TLE2: variants seen among roughly 807,000 people sequenced by gnomAD.
The protein encoded by TLE2 is TLE family member 2, transcriptional corepressor.
TLE2 carries 74 observed loss-of-function variants against 97.2 expected under a neutral mutation model. The observed-to-expected ratio is 0.76, with a 90% CI of 0.63 to 0.92. The LOEUF is 0.92. Ranked by LOEUF, TLE2 falls within the 40% of genes least tolerant of loss-of-function variation. The pLI is 0.00. For synonymous variants in TLE2, 499 were observed against 432.1 expected, an observed-to-expected ratio of 1.15 and a Z score of -1.92; for missense variants, 1,038 against 1,008.7, an observed-to-expected ratio of 1.03 and a Z score of -0.39.
Position 3,029,160 on chromosome 19 carries a change from C to T in TLE2, c.-256G>A. 3 of 887,126 alleles carry T rather than the reference C, an allele frequency of 3.4e-6. No individual in the cohort carries two copies. Among genetic ancestry groups the T allele is most frequent in the Admixed American group, 6.3e-5 (1 of 15,820 alleles). The allele number at this position is 887,126 out of a possible 1,614,324, so 55.0% of individuals were successfully genotyped here. A position where few individuals can be genotyped will look rare whatever the true frequency, so the allele number is the denominator to read the frequency against. ...GCAGGGGCAGCGGCCGGGGCGGGAG[C>T]GCGGCGAGGGCGGCCGCGGCAGCCG... On this transcript the variant is annotated 5_prime_UTR_variant, in exon 1 of 20. Coordinates refer to ENST00000262953, the MANE Select transcript of TLE2 (RefSeq NM_003260.5).
Position 3,019,342 on chromosome 19 carries a change from G to A in TLE2, c.491C>T (p.Ala164Val), listed in dbSNP as rs1193317739. 2 of 1,568,466 alleles carry A rather than the reference G, an allele frequency of 1.3e-6. No individual in the cohort carries two copies. Among genetic ancestry groups the A allele is most frequent in the Non-Finnish European group, 1.7e-6 (2 of 1,165,242 alleles). Residue 164 changes from alanine to valine, a missense_variant, in exon 7 of 20, where the codon GCT becomes GTT. By Grantham distance (64) the Ala-to-Val change is moderately conservative. Transcript: ENST00000262953. The surrounding 1 kb of genome is among the most constrained non-coding windows in gnomAD (Gnocchi z 5.1). ...LALSGALAAQ[A>V]QLAAAVKEDR... Reference sequence around the variant, plus strand: ...CTCCTTGACAGCCGCCGCCAGCTGAGCCTGGGCAGCCAGGGCTCCAGACAG... The same window carrying A: ...CTCCTTGACAGCCGCCGCCAGCTGAACCTGGGCAGCCAGGGCTCCAGACAG...
At chr19:3,002,202 G>C (rs534858292) in intron 18 of TLE2, 151 bp downstream of exon 18, 2 of 946,364 alleles carry the variant, frequency 2.1e-6, no homozygotes, top group Non-Finnish European at 3.0e-6. Context: ...ACACCATTTG[G>C]GATATACTTG....
At chr19:3,000,172 T>C (rs1008702673) in intron 19 of TLE2, among the ~76,000 whole-genome samples, 7 of 151,198 alleles carry the variant, frequency 4.6e-5, no homozygotes, top group South Asian at 2.1e-4. Context: ...CCTGGGTTCA[T>C]GCCATTCTCC....
At chr19:3,000,517 C>G in intron 19 of TLE2, 130 bp downstream of exon 19, 1 of 768,314 alleles carries the variant, frequency 1.3e-6, no homozygotes, top group Non-Finnish European at 2.1e-6. Flanking sequence ...GGGAGGCTTG[C>G]AGGACCCTGA....
rs199772717 is a variant in TLE2, at chr19:3,013,748, C to T, written c.794G>A (p.Arg265His). The change falls in exon 11 of 20, where the codon CGT becomes CAT. Residue 265 changes from arginine (R) to histidine (H), a missense_variant. Coordinates refer to ENST00000262953, the MANE Select transcript of TLE2 (RefSeq NM_003260.5). ...GGCTGGACTGTCCACCAGGTCCCGA[C>T]GGGCAGGAATGCAGATGGGTACCTT... ...CGKVPICIPA[R>H]RDLVDSPASL... The T allele has an allele frequency of 9.9e-5, 154 of 1,560,894 alleles. No homozygotes were observed. In the African/African-American group the frequency reaches 1.8e-3, roughly 18 times the overall value.
At chr19:3,043,736 G>T (rs1311718801) in intron 1 of TLE2, among the ~76,000 whole-genome samples, 1 of 151,944 alleles carries the variant, frequency 6.6e-6, no homozygotes, top group African/African-American at 2.4e-5. Context: ...CGTGAACCCG[G>T]GAGGTGGAGC....
intron 11 of TLE2, 120 bp downstream of exon 11, chr19:3,013,549 G>A: frequency 2.0e-6 from 2 of 985,298 alleles, no homozygotes; most frequent in Non-Finnish European, 2.7e-6. Flanking sequence ...GGGAAAGGGT[G>A]GACAATGCCA....
intron 11 of TLE2, among the ~76,000 whole-genome samples, chr19:3,012,867 G>A (rs1301784506): frequency 1.3e-5 from 2 of 152,184 alleles, no homozygotes; most frequent in East Asian, 1.9e-4. Flanking sequence ...ACGCAACACC[G>A]GCACCCGCGA....
chr19:3,019,769 T>A lies in TLE2; in HGVS notation c.299A>T (p.Gln100Leu). Residue 100 changes from glutamine (Q) to leucine (L), a missense_variant, in exon 6 of 20, where the codon CAG becomes CTG. By Grantham distance (113) the Gln-to-Leu change is moderately radical (BLOSUM62 -2). Coordinates refer to ENST00000262953, the MANE Select transcript of TLE2 (RefSeq NM_003260.5). The surrounding 1 kb of genome is among the most constrained non-coding windows in gnomAD (Gnocchi z 5.1). ...TTCTACGGCCTGGAGCACCTGCTGC[T>A]GATGCTGGCGGGTGGAAGGGATCAG... ...QIIPFLTQEH[Q>L]QQVLQAVERA... is the part of the protein sequence containing the mutation. The A allele has an allele frequency of 1.2e-6, 2 of 1,612,798 alleles. No homozygotes were observed. Among genetic ancestry groups the A allele is most frequent in the South Asian group, 2.2e-5 (2 of 90,688 alleles).
At chr19:3,026,598 C>A (rs943214452) in intron 4 of TLE2, among the ~76,000 whole-genome samples, 1 of 82,702 alleles carries the variant, frequency 1.2e-5, no homozygotes, top group African/African-American at 5.3e-5. Context: ...TCTCTGAACC[C>A]TGAGGTCAAT....
At position 3,005,563 on chromosome 19, in the gene TLE2, G is replaced by C; in HGVS notation, c.1770C>G (p.Asp590Glu). Residue 590 changes from aspartate (D) to glutamate (E), a missense_variant, in exon 17 of 20, where the codon GAC (aspartate) becomes GAG (glutamate). By Grantham distance (45) the Asp-to-Glu change is conservative. Transcript: ENST00000262953. ...CGGAAATATCAATGCAGCTGGCGCC[G>C]TCCGTGTGGCCCTGGAACTGCCTGG... ...TMVRQFQGHT[D>E]GASCIDISDY... The C allele has an allele frequency of 6.2e-7, 1 of 1,613,246 alleles. No individual in the cohort carries two copies. The highest frequency in any genetic ancestry group is 1.3e-5 in the African/African-American group (1 of 75,046).
Position 3,009,559 on chromosome 19 carries a change from A to G in TLE2, c.1156T>C (p.Tyr386His). 1 of 1,611,644 alleles carries G rather than the reference A, an allele frequency of 6.2e-7. No homozygotes were observed. Among genetic ancestry groups the G allele is most frequent in the Non-Finnish European group, 8.5e-7 (1 of 1,178,972 alleles). ...LSPQVSSSVV[Y>H]GRSPVMAFES... ...GGACTCACCACGGGGGAGCGTCCGT[A>G]CACCACAGAGCTGCTGACCTGGGGG... The change falls in exon 13 of 20, where the codon TAC becomes CAC. Residue 386 changes from tyrosine (Y) to histidine (H), a missense_variant. Transcript: ENST00000262953.
At chr19:3,020,846 G>A (rs959446741) in intron 5 of TLE2, among the ~76,000 whole-genome samples, 1 of 152,076 alleles carries the variant, frequency 6.6e-6, no homozygotes, top group Non-Finnish European at 1.5e-5. Context: ...AGCACTTTGG[G>A]AGGCCAAGGC....
rs1382302957 is a variant in TLE2, at chr19:3,001,287, ATAT to A, written c.2048-567_2048-565del. Among the ~76,000 whole-genome samples the A allele has an allele frequency of 2.0e-3, 277 of 141,832 alleles. 1 individual carries two copies. The highest frequency in any genetic ancestry group is 3.6e-3 in the Middle Eastern group (1 of 280). 93.0% of individuals were successfully genotyped at this position (141,832 alleles called of 152,430 possible). ...GACTCTGTCTCAAAAAAAAAAAAAAATATTTTTTGTAGAGTTGGGATCTCACTA... is the reference window on the plus strand; with the variant it reads ...GACTCTGTCTCAAAAAAAAAAAAAAATTTTTGTAGAGTTGGGATCTCACTA... On this transcript the variant is annotated intron_variant, in intron 18 of 19. Transcript: ENST00000262953.
chr19:3,019,874 G>C lies in TLE2; in HGVS notation c.295-101C>G. On this transcript the variant is annotated intron_variant, in intron 5 of 19. Coordinates refer to ENST00000262953, the MANE Select transcript of TLE2 (RefSeq NM_003260.5). The surrounding 1 kb of genome is among the most constrained non-coding windows in gnomAD (Gnocchi z 5.1). ...CTCTCCCCGCCACCCTCTCATCTTT[G>C]CCCCGGTACTTCCCATTTCTCTTTT... 6 of 1,414,468 alleles carry C rather than the reference G, an allele frequency of 4.2e-6. No homozygotes were observed. The highest frequency in any genetic ancestry group is 2.5e-5 in the South Asian group (2 of 78,660). The allele number at this position is 1,414,468 out of a possible 1,614,324, so 87.6% of individuals were successfully genotyped here. A position where few individuals can be genotyped will look rare whatever the true frequency, so the allele number is the denominator to read the frequency against.
intron 19 of TLE2, among the ~76,000 whole-genome samples, chr19:2,999,618 T>G (rs1490314373): frequency 4.0e-5 from 6 of 151,050 alleles, no homozygotes; most frequent in African/African-American, 1.2e-4. Flanking sequence ...TCCCAGCTAC[T>G]CGGGAGGCTG....
rs2089790579 is a variant in TLE2 at position 3,019,413 on chromosome 19, G to A, written c.420C>T (p.Pro140=). ...SHHAPPVPLT[P]RPAGLVGGSA... ...TGCCGCCCACCAGCCCGGCTGGGCG[G>A]GGGGTGAGGGGCACAGGGGGTGCGT... Residue 140 remains proline (P), a synonymous_variant, in exon 7 of 20, where the codon CCC becomes CCT. Transcript: ENST00000262953. The surrounding 1 kb of genome is among the most constrained non-coding windows in gnomAD (Gnocchi z 5.1). 2 of 1,538,270 alleles carry A rather than the reference G, an allele frequency of 1.3e-6. No individual in the cohort carries two copies. The highest frequency in any genetic ancestry group is 2.0e-5 in the Admixed American group (1 of 51,168).
intron 4 of TLE2, 93 bp downstream of exon 4, chr19:3,027,736 C>G (rs1403601076): frequency 7.7e-6 from 10 of 1,297,296 alleles, no homozygotes; most frequent in African/African-American, 4.4e-5. Context: ...TTCCCTAGGT[C>G]TGCTCTGGCC....
At chr19:3,032,730 C>A (rs1936672262), upstream of TLE2, among the ~76,000 whole-genome samples, 1 of 152,064 alleles carries the variant, frequency 6.6e-6, no homozygotes, top group African/African-American at 2.4e-5. The surrounding 1 kb of genome is among the most constrained non-coding windows in gnomAD (Gnocchi z 4.1). Flanking sequence ...GAAATTCTCA[C>A]AAACAGGGAG....
Sources: gnomAD v4.1 joint callset for allele counts (sites outside exome capture counted in the v4.1 genomes callset) on GRCh38, gnomAD v4.1.1 for gene constraint, Gnocchi (gnomAD v3.1) non-coding constraint, MANE v1.5 for transcripts, NCBI Gene and HGNC (gene_info 2026-07-23, HGNC 2026-07-21) for gene names.